The following CAST variants were observed in gnomAD, a reference collection of about 807,000 sequenced individuals.
CAST encodes the protein calpastatin.
A neutral mutation model predicts 119.6 loss-of-function variants in CAST; 76 were observed. That is an observed-to-expected ratio of 0.64 (90% CI 0.53 to 0.77). CAST has a LOEUF of 0.77. Ranked by LOEUF, CAST falls within the 30% of genes least tolerant of loss-of-function variation. The pLI is 0.00. For missense variants in CAST, 953 were observed against 946.5 expected (o/e 1.01, Z -0.09); for synonymous variants, 319 against 331.6 (o/e 0.96, Z 0.41).
the CAST span, among the ~76,000 whole-genome samples, chr5:96,096,988 T>C: frequency 6.6e-6 from 1 of 152,202 alleles, no homozygotes; most frequent in African/African-American, 2.4e-5. Flanking sequence ...CCAGGGTCCT[T>C]TTAAAAAAAT....
chr5:96,612,360 A>T (rs559664332), intron 1 of CAST, among the ~76,000 whole-genome samples: 1 of 152,198 alleles, frequency 6.6e-6, no homozygotes, highest in East Asian at 1.9e-4. Flanking sequence ...TATTCTCATT[A>T]TAAGTGAGAG....
the CAST span, among the ~76,000 whole-genome samples, chr5:96,260,543 A>G: frequency 6.6e-6 from 1 of 152,226 alleles, no homozygotes. Context: ...AATTGTCAGA[A>G]TAATATATGC....
the CAST span, among the ~76,000 whole-genome samples, chr5:96,070,177 A>G: frequency 6.6e-6 from 1 of 152,170 alleles, no homozygotes; most frequent in Non-Finnish European, 1.5e-5. Flanking sequence ...TCATGATTTA[A>G]ATATTAATCT....
At chr5:96,365,941 G>C in the CAST span, among the ~76,000 whole-genome samples, 1 of 152,142 alleles carries the variant, frequency 6.6e-6, no homozygotes, top group Admixed American at 6.5e-5. Context: ...TTTACAATTT[G>C]GCATGTTTTT....
the CAST span, among the ~76,000 whole-genome samples, chr5:96,268,421 T>A: frequency 7.9e-5 from 12 of 151,942 alleles, no homozygotes; most frequent in South Asian, 4.2e-4. Context: ...TAAAAAAAAA[T>A]TTTATAATTA....
chr5:96,560,192 T>A (rs567058151), intron 1 of CAST, among the ~76,000 whole-genome samples: 1 of 152,128 alleles, frequency 6.6e-6, no homozygotes, highest in East Asian at 1.9e-4. Context: ...TTACACCTTA[T>A]ACAAAAATTA....
chr5:96,030,549 TGGACAGCAA>T, the CAST span, among the ~76,000 whole-genome samples: 1 of 152,160 alleles, frequency 6.6e-6, no homozygotes, highest in Admixed American at 6.6e-5. Context: ...GCTGTAAGTA[TGGACAGCAA>T]GCAAGCAATA....
chr5:96,634,226 A>G (rs1747858134), intron 1 of CAST, among the ~76,000 whole-genome samples: 1 of 152,190 alleles, frequency 6.6e-6, no homozygotes, highest in African/African-American at 2.4e-5. Context: ...TGCTTTCAGT[A>G]TGTTTTTCAG....
chr5:96,400,287 G>T, the CAST span: 1 of 797,368 alleles, frequency 1.3e-6, no homozygotes, highest in Non-Finnish European at 2.2e-6. Context: ...ATTATGAAGT[G>T]CCTTTTGCTA....
the CAST span, among the ~76,000 whole-genome samples, chr5:96,366,936 G>T: frequency 6.6e-6 from 1 of 152,164 alleles, no homozygotes; most frequent in African/African-American, 2.4e-5. Context: ...TTTCTGCTCT[G>T]TTTTTTCCCC....
the CAST span, chr5:96,432,814 G>T: frequency 2.0e-6 from 3 of 1,527,676 alleles, no homozygotes; most frequent in South Asian, 1.1e-5. Flanking sequence ...CTCCAGTCCC[G>T]CCAGTCCCCT....
the CAST span, among the ~76,000 whole-genome samples, chr5:96,492,252 G>A: frequency 2.6e-5 from 4 of 152,250 alleles, no homozygotes; most frequent in Admixed American, 6.5e-5. Flanking sequence ...AGTTTGACCA[G>A]TTGAAGTTGC....
At chr5:96,458,596 G>C in the CAST span, among the ~76,000 whole-genome samples, 16 of 152,260 alleles carry the variant, frequency 1.1e-4, 1 homozygote, top group Middle Eastern at 6.8e-3. Context: ...CAGAAGAAAA[G>C]GGAATCTTAC....
At chr5:96,599,464 T>A (rs987446496) in intron 1 of CAST, among the ~76,000 whole-genome samples, 1 of 152,212 alleles carries the variant, frequency 6.6e-6, no homozygotes, top group African/African-American at 2.4e-5. Flanking sequence ...TCATCTACTG[T>A]AATATCGGGC....
intron 1 of CAST, among the ~76,000 whole-genome samples, chr5:96,634,971 C>A (rs1046417425): frequency 6.6e-6 from 1 of 152,154 alleles, no homozygotes; most frequent in Non-Finnish European, 1.5e-5. Context: ...TCACAAACAA[C>A]GTAATTCAGC....
chr5:96,160,065 GGGA>G, the CAST span, among the ~76,000 whole-genome samples: 4 of 151,912 alleles, frequency 2.6e-5, no homozygotes, highest in Non-Finnish European at 1.5e-5. Flanking sequence ...ACTTGAACCT[GGGA>G]GGCAGAGGTT....
At chr5:96,752,997 CA>C (rs1423619417) in intron 20 of CAST, among the ~76,000 whole-genome samples, 27 of 146,158 alleles carry the variant, frequency 1.8e-4, no homozygotes, top group African/African-American at 6.3e-4. Flanking sequence ...CACACTCTTA[CA>C]TTTTTTTTTT....
chr5:95,976,300 T>C, the CAST span, among the ~76,000 whole-genome samples: 1 of 151,852 alleles, frequency 6.6e-6, no homozygotes, highest in Non-Finnish European at 1.5e-5. Context: ...TTCTAGAGAC[T>C]GGACCCAAAG....
chr5:96,490,780 C>A, the CAST span, among the ~76,000 whole-genome samples: 174 of 151,436 alleles, frequency 1.1e-3, no homozygotes, highest in Non-Finnish European at 2.0e-3. Context: ...ATATGAAGTG[C>A]AAAACAATAA....
Sources: gnomAD v4.1 joint callset for allele counts (sites outside exome capture counted in the v4.1 genomes callset) on GRCh38, gnomAD v4.1.1 for gene constraint, MANE v1.5 for transcripts, NCBI Gene and HGNC (gene_info 2026-07-23, HGNC 2026-07-21) for gene names.